SLC30A7: variants seen among roughly 807,000 people sequenced by gnomAD.
The protein encoded by SLC30A7 is zinc transporter 7.
SLC30A7 carries 35 observed loss-of-function variants against 46.0 expected under a neutral mutation model. The ratio of observed to expected loss-of-function variants is 0.76; its 90% CI spans 0.58 to 1.01. SLC30A7 has a LOEUF of 1.01. SLC30A7 is among the 50% of genes least tolerant of loss of function. The pLI, the probability that SLC30A7 is intolerant of heterozygous loss-of-function variation, is 0.00. For synonymous variants in SLC30A7, 147 were observed against 157.8 expected, an observed-to-expected ratio of 0.93 and a Z score of 0.51; for missense variants, 464 against 451.1, an observed-to-expected ratio of 1.03 and a Z score of -0.26.
At chr1:100,947,181 C>T (rs1032305487) in intron 8 of SLC30A7, among the ~76,000 whole-genome samples, 3 of 152,184 alleles carry the variant, frequency 2.0e-5, no homozygotes, top group African/African-American at 7.2e-5. Context: ...CCAGATTTCT[C>T]TTGTGAGCCT....
At chr1:100,951,773 T>G (rs1428398767) in intron 8 of SLC30A7, among the ~76,000 whole-genome samples, 1 of 152,150 alleles carries the variant, frequency 6.6e-6, no homozygotes, top group East Asian at 1.9e-4. Context: ...CTGGCTAGGG[T>G]AAGAAGAATG....
chr1:100,937,441 A>G (rs1365272690), intron 8 of SLC30A7, among the ~76,000 whole-genome samples: 2 of 151,766 alleles, frequency 1.3e-5, no homozygotes, highest in African/African-American at 4.8e-5. Flanking sequence ...AAAACTTGTT[A>G]TTTTCTGTTT....
At chr1:100,973,070 G>GA (rs202235232) in intron 10 of SLC30A7, among the ~76,000 whole-genome samples, 7 of 147,588 alleles carry the variant, frequency 4.7e-5, no homozygotes, top group Admixed American at 4.0e-4. Context: ...AAAAAAAAAA[G>GA]AAAAAAAAGG....
intron 8 of SLC30A7, among the ~76,000 whole-genome samples, chr1:100,959,435 A>T (rs1418830533): frequency 6.6e-6 from 1 of 152,220 alleles, no homozygotes; most frequent in Non-Finnish European, 1.5e-5. Flanking sequence ...AGGATCTCTC[A>T]CAAGGCAGTA....
intron 10 of SLC30A7, among the ~76,000 whole-genome samples, chr1:100,966,697 CT>C (rs1171307554): frequency 6.6e-6 from 1 of 152,026 alleles, no homozygotes; most frequent in Non-Finnish European, 1.5e-5. Context: ...TTCCTATATG[CT>C]CATCATTGTA....
At chr1:100,944,425 C>G (rs1455728928) in intron 8 of SLC30A7, among the ~76,000 whole-genome samples, 1 of 151,936 alleles carries the variant, frequency 6.6e-6, no homozygotes, top group African/African-American at 2.4e-5. Context: ...ACGTGAAAAG[C>G]ATATTGAGAT....
intron 2 of SLC30A7, among the ~76,000 whole-genome samples, chr1:100,902,035 T>C (rs1014656952): frequency 1.3e-4 from 20 of 152,234 alleles, no homozygotes; most frequent in African/African-American, 4.8e-4. Flanking sequence ...GCAGTAAAAT[T>C]GACCTTCCTC....
At chr1:100,896,874 C>A (rs1651002192) in intron 2 of SLC30A7, among the ~76,000 whole-genome samples, 1 of 152,150 alleles carries the variant, frequency 6.6e-6, no homozygotes, top group South Asian at 2.1e-4. Context: ...TCCTGTGCAA[C>A]CTCTCTTGTC....
At chr1:100,995,928 AAT>A in the SLC30A7 span, 1 of 152,248 alleles carries the variant, frequency 6.6e-6, no homozygotes, top group African/African-American at 2.4e-5. Context: ...TTTTTGCAAA[AAT>A]AAACATAGTG....
At position 100,964,245 on chromosome 1, in the gene SLC30A7, A is replaced by T. The variant is rs571178426; in HGVS notation, c.934-1524A>T. 3.3e-5 allele frequency among the ~76,000 whole-genome samples: 3 copies of T among 90,230 alleles called. No individual in the cohort carries two copies. The East Asian group carries it at 7.4e-4, about 22-fold the overall frequency. The allele number at this position is 90,230 out of a possible 152,430, so 59.2% of individuals were successfully genotyped here. Reference sequence around the variant, plus strand: ...AATTGTTTTATATATATATATGTATATGTATATATACACAATATATGTTAT... The same window carrying T: ...AATTGTTTTATATATATATATGTATTTGTATATATACACAATATATGTTAT... On this transcript the variant is annotated intron_variant, in intron 9 of 10. Transcript: ENST00000357650.
At chr1:100,995,221 T>A in the SLC30A7 span, 1 of 1,035,216 alleles carries the variant, frequency 9.7e-7, no homozygotes, top group Non-Finnish European at 1.5e-6. Flanking sequence ...TAAACCTCAG[T>A]TAAGAGTCAC....
chr1:100,912,232 G>T lies in SLC30A7; in HGVS notation c.505G>T (p.Gly169Cys). Residue 169 changes from glycine (G) to cysteine (C), a missense_variant, in exon 5 of 11, where the codon GGC (glycine) becomes TGC (cysteine). By Grantham distance (159) the Gly-to-Cys change is radical. Coordinates refer to ENST00000357650, the MANE Select transcript of SLC30A7 (RefSeq NM_133496.5). ...ACATGGAGGTCATGGACATTCTCAT[G>T]GCTCTGGTATGATGGTTAGGACACT... The part of the protein sequence containing the change: ...FKHGGHGHSH[G>C]SGHGHSHSLF... 4 of 1,613,710 alleles carry T rather than the reference G, an allele frequency of 2.5e-6. No homozygotes were observed. The highest frequency in any genetic ancestry group is 3.4e-6 in the Non-Finnish European group (4 of 1,179,816).
chr1:100,923,004 A>ATTTT lies in SLC30A7; in HGVS notation c.842+1191_842+1194dup, dbSNP rs71084855. On this transcript the variant is annotated intron_variant, in intron 8 of 10. Transcript: ENST00000357650. ...TATAGCTTGTAGTTTGTTAGAATAG[A>ATTTT]TTTTTTTTTTTTTTTTTTTTTTTTT... 3.7e-4 allele frequency among the ~76,000 whole-genome samples: 18 copies of ATTTT among 49,138 alleles called. 2 individuals are homozygous for ATTTT. Among genetic ancestry groups the ATTTT allele is most frequent in the East Asian group, 7.3e-4 (1 of 1,372 alleles). 32.2% of individuals were successfully genotyped at this position (49,138 alleles called of 152,430 possible).
At position 100,979,957 on chromosome 1, in the gene SLC30A7, G is replaced by A. The variant is rs1231326364; in HGVS notation, c.*5100G>A. ...ATAATCACCATGACAAAATTGGTAT[G>A]GCGGAACAGTCATTATACATTATTT... On this transcript the variant is annotated 3_prime_UTR_variant, in exon 11 of 11. Transcript: ENST00000357650. 4 of 152,042 alleles carry A rather than the reference G, an allele frequency of 2.6e-5. No homozygotes were observed. Among genetic ancestry groups the A allele is most frequent in the African/African-American group, 9.7e-5 (4 of 41,428 alleles). The allele number at this position is 152,042 out of a possible 1,614,324, so 9.4% of individuals were successfully genotyped here.
At chr1:100,973,058 G>GA (rs111988102) in intron 10 of SLC30A7, among the ~76,000 whole-genome samples, 21,045 of 133,704 alleles carry the variant, frequency 0.16, 1,471 homozygotes, top group African/African-American at 0.16. Flanking sequence ...CTTTCCACAG[G>GA]AAAAAAAAAA....
intron 8 of SLC30A7, among the ~76,000 whole-genome samples, chr1:100,950,929 A>C (rs1654917626): frequency 6.6e-6 from 1 of 152,210 alleles, no homozygotes; most frequent in South Asian, 2.1e-4. Flanking sequence ...AGGAGCCAGC[A>C]TCGGGTTCAG....
At chr1:100,901,911 C>A (rs1651330237) in intron 2 of SLC30A7, among the ~76,000 whole-genome samples, 1 of 152,198 alleles carries the variant, frequency 6.6e-6, no homozygotes, top group Non-Finnish European at 1.5e-5. Context: ...GTGTTTCAGT[C>A]ATGTAACCTT....
chr1:100,992,638 T>C, the SLC30A7 span: 1 of 1,613,156 alleles, frequency 6.2e-7, no homozygotes, highest in Non-Finnish European at 8.5e-7. Flanking sequence ...CTTGAGTACC[T>C]GGTTCTTCTC....
chr1:100,921,721 T>C lies in SLC30A7; in HGVS notation c.722T>C (p.Ile241Thr). The C allele has an allele frequency of 6.2e-7, 1 of 1,611,678 alleles. No individual in the cohort carries two copies. Among genetic ancestry groups the C allele is most frequent in the Non-Finnish European group, 8.5e-7 (1 of 1,178,466 alleles). ...TTATTTCTAGGTGTATTTTTACATATCCTAGCAGATACACTTGGAAGTATT... is the reference window on the plus strand; with the variant it reads ...TTATTTCTAGGTGTATTTTTACATACCCTAGCAGATACACTTGGAAGTATT... ...RQILQGVFLH[I>T]LADTLGSIGV... The change falls in exon 8 of 11, where the codon ATC (isoleucine) becomes ACC (threonine). Residue 241 changes from isoleucine (I) to threonine (T), a missense_variant. By Grantham distance (89) the Ile-to-Thr change is moderately conservative (BLOSUM62 -1). Coordinates refer to ENST00000357650, the MANE Select transcript of SLC30A7 (RefSeq NM_133496.5).
Sources: allele counts gnomAD v4.1 joint callset (sites outside exome capture counted in the v4.1 genomes callset), GRCh38; gene constraint gnomAD v4.1.1; transcripts MANE v1.5; gene names NCBI Gene and HGNC (gene_info 2026-07-23, HGNC 2026-07-21).